Variants in TGM5 observed in about 807,000 individuals in gnomAD.
TGM5 encodes protein-glutamine gamma-glutamyltransferase 5.
In TGM5, 69 loss-of-function variants were observed where a neutral mutation model predicts 77.2. That is an observed-to-expected ratio of 0.89 (90% confidence interval 0.74 to 1.09). TGM5 has a LOEUF of 1.09. TGM5 is among the 50% of genes least tolerant of loss of function. The probability of loss-of-function intolerance (pLI) is 0.00; values close to 1 mark genes in which losing one functional copy is unlikely to be tolerated. For missense variants in TGM5, 842 were observed against 896.5 expected (o/e 0.94, Z 0.78); for synonymous variants, 346 against 351.8 (o/e 0.98, Z 0.18).
intron 9 of TGM5, 129 bp downstream of exon 9, chr15:43,238,688 G>T (rs553648475): frequency 7.0e-7 from 1 of 1,422,960 alleles, no homozygotes; most frequent in Admixed American, 2.0e-5. Context: ...CCCAACTGGG[G>T]CCTCAAAACT....
intron 11 of TGM5, among the ~76,000 whole-genome samples, 167 bp from the exon 12 acceptor site, chr15:43,233,854 A>T (rs2142350223): frequency 6.6e-6 from 1 of 152,334 alleles, no homozygotes; most frequent in Admixed American, 6.5e-5. Flanking sequence ...CAGATATAAG[A>T]AAAGCTCTCT....
Position 43,233,645 on chromosome 15 carries a change from C to G in TGM5, c.1918G>C (p.Val640Leu). Residue 640 changes from valine (V) to leucine (L), a missense_variant, in exon 12 of 13, where the codon GTG becomes CTG. By Grantham distance (32) the Val-to-Leu change is conservative (BLOSUM62 1). Transcript: ENST00000220420. ...TCCGAGAGGGGGTTTGAAAATATCACCTGTATGGAGAGTGGCTGGTTCACA... is the reference window on the plus strand; with the variant it reads ...TCCGAGAGGGGGTTTGAAAATATCAGCTGTATGGAGAGTGGCTGGTTCACA... ...AVVNQPLSIQVIFSNPLSEQV... is the reference protein window; with the variant it reads ...AVVNQPLSIQLIFSNPLSEQV... 6.2e-7 allele frequency: 1 copy of G among 1,614,184 alleles called. No individual in the cohort carries two copies. The highest frequency in any genetic ancestry group is 8.5e-7 in the Non-Finnish European group (1 of 1,180,032).
Position 43,246,355 on chromosome 15 carries a change from C to T in TGM5, c.863-5365G>A, listed in dbSNP as rs1449018895. Among the ~76,000 whole-genome samples the T allele has an allele frequency of 4.6e-5, 7 of 152,212 alleles. No individual in the cohort carries two copies. The East Asian group carries it at 1.2e-3, about 25-fold the overall frequency. On this transcript the variant is annotated intron_variant, in intron 6 of 12. Transcript: ENST00000220420. ...AGACACAGCCTGTAGCCTCGTCCCC[C>T]GCCACTTCATGCTAGCAAAGACTGA... is the stretch of plus-strand genomic sequence containing the variant.
At chr15:43,257,903 AAAT>A (rs1376054230) in intron 3 of TGM5, among the ~76,000 whole-genome samples, 6 of 152,212 alleles carry the variant, frequency 3.9e-5, no homozygotes, top group African/African-American at 1.4e-4. Flanking sequence ...CAGCCATAAA[AAAT>A]GATGAGTTCA....
intron 5 of TGM5, 97 bp downstream of exon 5, chr15:43,253,409 G>C (rs2042719708): frequency 6.4e-7 from 1 of 1,555,008 alleles, no homozygotes; most frequent in African/African-American, 1.4e-5. Context: ...GGCTTTGCCA[G>C]AGGGTCCCTC....
rs606231276 is a variant in TGM5 at position 43,238,827 on chromosome 15, C to G, written c.1335G>C (p.Lys445Asn). Residue 445 changes from lysine (K) to asparagine (N), a missense_variant, in exon 9 of 13, where the codon AAG becomes AAC. This residue lies in a region of TGM5 where 815 missense variants were observed against 844.6 expected (regional missense o/e 0.96). Coordinates refer to ENST00000220420, the MANE Select transcript of TGM5 (RefSeq NM_201631.4). ...DERDDITENY[K>N]YEEGSLQERQ... ...GGCTTGCTTACTTACCTTCTTCATA[C>G]TTGTAGTTCTCTGTGATGTCATCCC... 38 of 1,614,048 alleles carry G rather than the reference C, an allele frequency of 2.4e-5. 1 individual carries two copies. In the Middle Eastern group the frequency reaches 2.3e-3, roughly 98 times the overall value.
chr15:43,234,335 T>G (rs992003940), intron 11 of TGM5, among the ~76,000 whole-genome samples: 3 of 152,160 alleles, frequency 2.0e-5, no homozygotes, highest in African/African-American at 7.2e-5. Context: ...AGAGGCCATC[T>G]AGCCTAATCC....
chr15:43,264,434 C>T (rs1039896028), intron 1 of TGM5, among the ~76,000 whole-genome samples: 3 of 151,674 alleles, frequency 2.0e-5, no homozygotes, highest in Non-Finnish European at 4.4e-5. Flanking sequence ...TATCATCCAG[C>T]TATAAAAAAA....
chr15:43,241,920 G>C (rs1284878839), intron 6 of TGM5, among the ~76,000 whole-genome samples: 1 of 152,112 alleles, frequency 6.6e-6, no homozygotes. Context: ...GATTACAGGC[G>C]TGAGCCACCG....
intron 1 of TGM5, among the ~76,000 whole-genome samples, chr15:43,260,875 C>A (rs2042781031): frequency 1.3e-5 from 2 of 151,956 alleles, no homozygotes; most frequent in Admixed American, 1.3e-4. Flanking sequence ...TGTCCAAGTC[C>A]TTCTGTAGAC....
intron 10 of TGM5, 30 bp downstream of exon 10, chr15:43,235,439 T>A: frequency 6.2e-7 from 1 of 1,613,948 alleles, no homozygotes; most frequent in Non-Finnish European, 8.5e-7. Flanking sequence ...CAAAACCAAC[T>A]CTGCGTACAC....
rs1218575391 is a variant in TGM5, at chr15:43,260,589, G to A, written c.11-10C>T. On this transcript the variant is annotated splice_polypyrimidine_tract_variant and intron_variant, in intron 1 of 12. Coordinates refer to ENST00000220420, the MANE Select transcript of TGM5 (RefSeq NM_201631.4). ...AGGGCCACTTCTAGCCCTGCAATGG[G>A]GCAGCCAGGGTTAGACAAAATAGTG... 4.3e-6 allele frequency: 7 copies of A among 1,613,942 alleles called. No individual in the cohort carries two copies. The highest frequency in any genetic ancestry group is 5.9e-6 in the Non-Finnish European group (7 of 1,179,976).
At chr15:43,255,371 C>T (rs2042735742) in intron 4 of TGM5, among the ~76,000 whole-genome samples, 1 of 152,072 alleles carries the variant, frequency 6.6e-6, no homozygotes, top group South Asian at 2.1e-4. Flanking sequence ...AAAAGAAAGA[C>T]AGAAACAGAG....
At chr15:43,238,787 G>A (rs749775155) in intron 9 of TGM5, 30 bp downstream of exon 9, 8 of 1,611,930 alleles carry the variant, frequency 5.0e-6, no homozygotes, top group Non-Finnish European at 6.8e-6. Flanking sequence ...CAGGGCTGGG[G>A]CTCTGAGTAG....
Position 43,233,672 on chromosome 15 carries a change from C to G in TGM5, c.1891G>C (p.Val631Leu), listed in dbSNP as rs773549912. ...TGTATGGAGAGTGGCTGGTTCACAACGGCTGCTCCTAGAACCTAAACAGAC... is the reference window on the plus strand; with the variant it reads ...TGTATGGAGAGTGGCTGGTTCACAAGGGCTGCTCCTAGAACCTAAACAGAC... ...SITINVLGAAVVNQPLSIQVI... is the reference protein window; with the variant it reads ...SITINVLGAALVNQPLSIQVI... The change falls in exon 12 of 13, where the codon GTT (valine) becomes CTT (leucine). Residue 631 changes from valine to leucine, a missense_variant. Physicochemically the swap from Val to Leu is conservative, Grantham distance 32. Transcript: ENST00000220420. The G allele has an allele frequency of 2.9e-5, 47 of 1,613,976 alleles. No homozygotes were observed. The highest frequency in any genetic ancestry group is 1.6e-4 in the Middle Eastern group (1 of 6,076).
Position 43,234,780 on chromosome 15 carries a change from T to A in TGM5, c.1864A>T (p.Ile622Phe). 1 of 1,614,206 alleles carries A rather than the reference T, an allele frequency of 6.2e-7. No individual in the cohort carries two copies. Among genetic ancestry groups the A allele is most frequent in the East Asian group, 2.2e-5 (1 of 44,876 alleles). Residue 622 changes from isoleucine to phenylalanine, a missense_variant, in exon 11 of 13, where the codon ATC becomes TTC. By Grantham distance (21) the Ile-to-Phe change is conservative. Coordinates refer to ENST00000220420, the MANE Select transcript of TGM5 (RefSeq NM_201631.4). ...GGACTCCTGCCTACATTAATCGTGA[T>A]GCTTGGATAAGATAAGGTGATGATC... The part of the protein sequence containing the change: ...NKIITLSYPS[I>F]TINVLGAAVV...
chr15:43,253,701 G>A, intron 4 of TGM5, 67 bp from the exon 5 acceptor site: 1 of 1,591,790 alleles, frequency 6.3e-7, no homozygotes, highest in Non-Finnish European at 8.5e-7. Flanking sequence ...AAAAAGTAAT[G>A]ACTTCCCCCC....
chr15:43,242,008 C>T (rs962963905), intron 6 of TGM5, among the ~76,000 whole-genome samples: 1 of 152,166 alleles, frequency 6.6e-6, no homozygotes, highest in African/African-American at 2.4e-5. Flanking sequence ...CCTTCATGTC[C>T]AGCAATGACA....
intron 6 of TGM5, among the ~76,000 whole-genome samples, chr15:43,248,656 A>G (rs1430106411): frequency 2.6e-5 from 4 of 152,234 alleles, no homozygotes; most frequent in African/African-American, 9.6e-5. Flanking sequence ...TCTTATGTCA[A>G]TGGAAATCAA....
Sources: gnomAD v4.1 joint callset for allele counts (sites outside exome capture counted in the v4.1 genomes callset) on GRCh38, gnomAD v4.1.1 for gene constraint, gnomAD v4.1.1 regional missense constraint, MANE v1.5 for transcripts, NCBI Gene and HGNC (gene_info 2026-07-23, HGNC 2026-07-21) for gene names.